The following TOPAZ1 variants were observed in gnomAD, a reference collection of about 807,000 sequenced individuals.
The protein encoded by TOPAZ1 is protein TOPAZ1.
In TOPAZ1, 66 loss-of-function variants were observed where a neutral mutation model predicts 172.2. The observed-to-expected ratio is 0.38, with a 90% CI of 0.31 to 0.47. The LOEUF (loss-of-function observed/expected upper bound fraction) is 0.47, where lower values mean the gene tolerates loss of function less well. Ranked by LOEUF, TOPAZ1 falls within the 20% of genes least tolerant of loss-of-function variation. TOPAZ1 has a pLI of 0.99. For synonymous variants in TOPAZ1, 681 were observed against 683.9 expected (o/e 1.00, Z 0.07); for missense variants, 1,822 against 1,972.4 (o/e 0.92, Z 1.44).
intron 4 of TOPAZ1, among the ~76,000 whole-genome samples, chr3:44,259,754 T>A (rs982995406): frequency 6.6e-5 from 10 of 152,260 alleles, no homozygotes; most frequent in Non-Finnish European, 1.3e-4. Context: ...TATTAATTTT[T>A]TGTCCATCTG....
At chr3:44,312,510 A>G (rs1431334819) in intron 16 of TOPAZ1, among the ~76,000 whole-genome samples, 2 of 152,160 alleles carry the variant, frequency 1.3e-5, no homozygotes, top group South Asian at 4.1e-4. Flanking sequence ...TACATACATT[A>G]CTCAAGTTTG....
intron 12 of TOPAZ1, among the ~76,000 whole-genome samples, chr3:44,299,429 A>G (rs1170817252): frequency 6.6e-6 from 1 of 151,984 alleles, no homozygotes; most frequent in African/African-American, 2.4e-5. Flanking sequence ...TTAGAATGGC[A>G]ATCATTAAAA....
chr3:44,323,163 C>A lies in TOPAZ1; in HGVS notation c.4543C>A (p.Leu1515Ile). The change falls in exon 18 of 20, where the codon CTT (leucine) becomes ATT (isoleucine). Residue 1515 changes from leucine (L) to isoleucine (I), a missense_variant. Coordinates refer to ENST00000309765, the MANE Select transcript of TOPAZ1 (RefSeq NM_001145030.2). ...LLGSCIESSS[L>I]GMSSSVAEFM... ...AGGTTCCTGTATAGAAAGCAGTAGT[C>A]TTGGTATGTCATCCTCTGTGGCAGA... 1 of 1,550,186 alleles carries A rather than the reference C, an allele frequency of 6.5e-7. No homozygotes were observed. Among genetic ancestry groups the A allele is most frequent in the African/African-American group, 1.4e-5 (1 of 73,108 alleles).
chr3:44,303,143 G>T (rs917748298), intron 12 of TOPAZ1, among the ~76,000 whole-genome samples: 1 of 152,094 alleles, frequency 6.6e-6, no homozygotes, highest in Non-Finnish European at 1.5e-5. Flanking sequence ...TGTCTATCTA[G>T]TTTAAATATC....
intron 2 of TOPAZ1, among the ~76,000 whole-genome samples, chr3:44,247,405 A>G (rs973206225): frequency 4.6e-4 from 70 of 152,310 alleles, no homozygotes; most frequent in African/African-American, 1.6e-3. Context: ...ACTTATAAAA[A>G]TTGTTTTCTA....
At chr3:44,297,361 C>A (rs951153713) in intron 12 of TOPAZ1, among the ~76,000 whole-genome samples, 2 of 148,722 alleles carry the variant, frequency 1.3e-5, no homozygotes, top group Admixed American at 6.7e-5. Flanking sequence ...CAATGTAATT[C>A]ATCATATCTA....
At chr3:44,300,479 G>A (rs1421210890) in intron 12 of TOPAZ1, among the ~76,000 whole-genome samples, 2 of 152,146 alleles carry the variant, frequency 1.3e-5, no homozygotes, top group East Asian at 3.9e-4. Flanking sequence ...TTTCACCAAT[G>A]AGGATATGCA....
At chr3:44,300,544 G>A (rs1700260355) in intron 12 of TOPAZ1, among the ~76,000 whole-genome samples, 1 of 152,134 alleles carries the variant, frequency 6.6e-6, no homozygotes, top group Non-Finnish European at 1.5e-5. Flanking sequence ...TAAGAGAAAT[G>A]TAAAATAAAA....
rs1306505913 is a variant in TOPAZ1 at position 44,331,982 on chromosome 3, G to A, written c.5050G>A (p.Gly1684Arg). ...KWLKENMKWA[G>R]KVWLFSNH is the part of the protein sequence containing the mutation. ...GTTAAAAGAGAATATGAAGTGGGCTGGAAAGGTTTGGCTTTTCAGTAACCA... is the reference window on the plus strand; with the variant it reads ...GTTAAAAGAGAATATGAAGTGGGCTAGAAAGGTTTGGCTTTTCAGTAACCA... Residue 1684 changes from glycine to arginine, a missense_variant, in exon 20 of 20, where the codon GGA (glycine) becomes AGA (arginine). Gly to Arg is a moderately radical substitution (Grantham distance 125). Coordinates refer to ENST00000309765, the MANE Select transcript of TOPAZ1 (RefSeq NM_001145030.2). 1.9e-6 allele frequency: 3 copies of A among 1,549,420 alleles called. No individual in the cohort carries two copies. The highest frequency in any genetic ancestry group is 2.6e-6 in the Non-Finnish European group (3 of 1,146,734).
intron 4 of TOPAZ1, among the ~76,000 whole-genome samples, chr3:44,258,476 A>G (rs114603756): frequency 0.013 from 1,952 of 152,216 alleles, 32 homozygotes; most frequent in African/African-American, 0.044. Flanking sequence ...CCCATTCCTT[A>G]ACCCTGGACA....
At chr3:44,306,456 G>C (rs1242281942) in intron 15 of TOPAZ1, 30 bp downstream of exon 15, 1 of 1,286,482 alleles carries the variant, frequency 7.8e-7, no homozygotes. Flanking sequence ...TCTTGGCTTG[G>C]TATAGAGACT....
chr3:44,281,940 A>C (rs1700027701), intron 8 of TOPAZ1, 28 bp from the exon 9 acceptor site: 1 of 1,398,316 alleles, frequency 7.2e-7, no homozygotes, highest in Admixed American at 2.1e-5. Context: ...TAAAAAAGGT[A>C]GTTTTACATT....
In TOPAZ1 at chr3:44,242,358, C is replaced by T. The variant is rs1318817438; in HGVS notation, c.305C>T (p.Ala102Val). The change falls in exon 1 of 20, where the codon GCA becomes GTA. Residue 102 changes from alanine to valine, a missense_variant. By Grantham distance (64) the Ala-to-Val change is moderately conservative (BLOSUM62 0). Around this residue, in one of 2 missense-constraint regions of TOPAZ1, gnomAD observed 1,489 missense variants for 1,490.8 expected, o/e 1.00. Coordinates refer to ENST00000309765, the MANE Select transcript of TOPAZ1 (RefSeq NM_001145030.2). The stretch of plus-strand genomic sequence containing the variant: ...TCGTCAGACCCGCGAGGCCTAGAAG[C>T]AGCAAAGGAGGCTGAACTCCCCTTG... ...SDSSDPRGLE[A>V]AKEAELPLQT... 6.4e-7 allele frequency: 1 copy of T among 1,552,188 alleles called. No individual in the cohort carries two copies. Among genetic ancestry groups the T allele is most frequent in the Non-Finnish European group, 8.7e-7 (1 of 1,147,148 alleles).
At chr3:44,274,304 G>A (rs1385592139) in intron 8 of TOPAZ1, among the ~76,000 whole-genome samples, 1 of 151,590 alleles carries the variant, frequency 6.6e-6, no homozygotes, top group Non-Finnish European at 1.5e-5. Flanking sequence ...GGGAGGCTGA[G>A]GTAGGAGTAT....
At position 44,262,437 on chromosome 3, in the gene TOPAZ1, G is replaced by A. The variant is rs772096867; in HGVS notation, c.2974G>A (p.Val992Met). 8 of 1,489,396 alleles carry A rather than the reference G, an allele frequency of 5.4e-6. No individual in the cohort carries two copies. In the East Asian group the frequency reaches 1.7e-4, roughly 32 times the overall value. The allele number at this position is 1,489,396 out of a possible 1,614,324, so 92.3% of individuals were successfully genotyped here. ...LDEKHRFTDKVITKEEKENIY... is the reference protein window; with the variant it reads ...LDEKHRFTDKMITKEEKENIY... ...TTCACAGCATAGATTTACAGACAAA[G>A]TGATTACCAAAGAAGAAAAAGAAAA... The change falls in exon 5 of 20, where the codon GTG (valine) becomes ATG (methionine). Residue 992 changes from valine (V) to methionine (M), a missense_variant. Physicochemically the swap from Val to Met is conservative, Grantham distance 21 (BLOSUM62 1). Transcript: ENST00000309765.
At chr3:44,287,577 T>G in intron 10 of TOPAZ1, 37 bp downstream of exon 10, 1 of 1,333,786 alleles carries the variant, frequency 7.5e-7, no homozygotes, top group Non-Finnish European at 9.9e-7. Flanking sequence ...TTTAATATTT[T>G]ATGTTAATTT....
intron 12 of TOPAZ1, among the ~76,000 whole-genome samples, chr3:44,297,960 A>G (rs1232246513): frequency 6.6e-6 from 1 of 152,242 alleles, no homozygotes; most frequent in Admixed American, 6.5e-5. Flanking sequence ...CAAAATGCTG[A>G]TAAAAGAAAT....
intron 9 of TOPAZ1, among the ~76,000 whole-genome samples, chr3:44,284,932 ATTTACC>A (rs1700061936): frequency 6.6e-6 from 1 of 152,216 alleles, no homozygotes; most frequent in Non-Finnish European, 1.5e-5. Flanking sequence ...AATATTTTAG[ATTTACC>A]ACTGGTAATA....
At chr3:44,258,278 A>G (rs1026166136) in intron 4 of TOPAZ1, among the ~76,000 whole-genome samples, 7 of 152,238 alleles carry the variant, frequency 4.6e-5, no homozygotes, top group Non-Finnish European at 7.3e-5. Flanking sequence ...AATAATGCAT[A>G]GATATCTATC....
Sources: gnomAD v4.1 joint callset for allele counts (sites outside exome capture counted in the v4.1 genomes callset) on GRCh38, gnomAD v4.1.1 for gene constraint, gnomAD v4.1.1 regional missense constraint, MANE v1.5 for transcripts, NCBI Gene and HGNC (gene_info 2026-07-23, HGNC 2026-07-21) for gene names.